Variants in CSNK1E observed in about 807,000 individuals in gnomAD.
The protein encoded by CSNK1E is casein kinase 1 epsilon.
CSNK1E carries 17 observed loss-of-function variants against 46.1 expected under a neutral mutation model. The observed-to-expected ratio is 0.37, with a 90% CI of 0.25 to 0.55. The LOEUF is 0.55. CSNK1E is among the 20% of genes least tolerant of loss of function. The pLI is 0.82. For missense variants in CSNK1E, 386 were observed against 595.4 expected (o/e 0.65, Z 3.66); for synonymous variants, 241 against 242.6 (o/e 0.99, Z 0.06).
chr22:38,294,098 G>A lies in CSNK1E; in HGVS notation c.1218+11C>T. 6.2e-7 allele frequency: 1 copy of A among 1,607,424 alleles called. No individual in the cohort carries two copies. The highest frequency in any genetic ancestry group is 8.5e-7 in the Non-Finnish European group (1 of 1,179,134). On this transcript the variant is annotated intron_variant, in intron 9 of 10. Coordinates refer to ENST00000396832, the MANE Select transcript of CSNK1E (RefSeq NM_152221.3). This position sits in a 1 kb window ranked among gnomAD's most constrained non-coding sequence, Gnocchi z 5.5. Reference sequence around the variant, plus strand: ...CTGAGGCCCAGAGGGACTGGCAGGGGGGCAGCTCACCTGTGAGGCTGGGAT... The same window carrying A: ...CTGAGGCCCAGAGGGACTGGCAGGGAGGCAGCTCACCTGTGAGGCTGGGAT...
rs1354510354 is a variant in CSNK1E, at chr22:38,298,457, G to A, written c.885+329C>T. The A allele has an allele frequency of 2.6e-6, 1 of 384,162 alleles. No homozygotes were observed. The highest frequency in any genetic ancestry group is 5.0e-6 in the Non-Finnish European group (1 of 200,380). 23.8% of individuals were successfully genotyped at this position (384,162 alleles called of 1,614,324 possible). On this transcript the variant is annotated intron_variant, in intron 7 of 10. Coordinates refer to ENST00000396832, the MANE Select transcript of CSNK1E (RefSeq NM_152221.3). The surrounding 1 kb of genome is among the most constrained non-coding windows in gnomAD (Gnocchi z 4.2). ...TGTGCAGAACAGGAGCAGCAGGACG[G>A]TGTAGGCAGCAATCAGGGCAGCAGG...
intron 7 of CSNK1E, among the ~76,000 whole-genome samples, chr22:38,295,023 G>A (rs1232647550): frequency 6.6e-6 from 1 of 152,188 alleles, no homozygotes; most frequent in African/African-American, 2.4e-5. Flanking sequence ...GTGGAAGGCT[G>A]GGCTAGGACT....
At chr22:38,302,623 A>C (rs1161639078) in intron 4 of CSNK1E, among the ~76,000 whole-genome samples, 1 of 152,228 alleles carries the variant, frequency 6.6e-6, no homozygotes, top group Non-Finnish European at 1.5e-5. Context: ...AGGCAGGAGA[A>C]TCGCGTGAAC....
At chr22:38,297,887 G>A (rs2092649185) in intron 7 of CSNK1E, 1 of 1,053,960 alleles carries the variant, frequency 9.5e-7, no homozygotes, top group Non-Finnish European at 1.2e-6. Context: ...GGCGACATCA[G>A]AAATGGGGCC....
At chr22:38,295,481 GC>G in intron 7 of CSNK1E, 1 of 696,028 alleles carries the variant, frequency 1.4e-6, no homozygotes, top group Non-Finnish European at 1.8e-6. Flanking sequence ...TGAGTTGGGG[GC>G]CTGCTCATGG....
upstream of CSNK1E, chr22:38,317,868 C>T (rs1281479647): frequency 6.6e-6 from 1 of 152,230 alleles, no homozygotes; most frequent in African/African-American, 2.4e-5. Flanking sequence ...GAGGCTCAGT[C>T]CGCCTCCAGG....
chr22:38,298,850 C>G lies in CSNK1E; in HGVS notation c.821G>C (p.Arg274Pro), dbSNP rs771808437. 6.2e-7 allele frequency: 1 copy of G among 1,614,130 alleles called. No homozygotes were observed. The highest frequency in any genetic ancestry group is 8.5e-7 in the Non-Finnish European group (1 of 1,180,006). Reference protein sequence around the residue: ...PDYSYLRQLFRNLFHRQGFSY... With the variant: ...PDYSYLRQLFPNLFHRQGFSY... Reference sequence around the variant, plus strand: ...GAAGCCCTGCCGGTGGAAGAGGTTGCGGAAGAGCTGACGTAGGTAAGAGTA... The same window carrying G: ...GAAGCCCTGCCGGTGGAAGAGGTTGGGGAAGAGCTGACGTAGGTAAGAGTA... The change falls in exon 7 of 11, where the codon CGC (arginine) becomes CCC (proline). Residue 274 changes from arginine to proline, a missense_variant. Physicochemically the swap from Arg to Pro is moderately radical, Grantham distance 103. Around this residue, in one of 2 missense-constraint regions of CSNK1E, gnomAD observed 212 missense variants for 410.2 expected, o/e 0.52. Coordinates refer to ENST00000396832, the MANE Select transcript of CSNK1E (RefSeq NM_152221.3). The surrounding 1 kb of genome is among the most constrained non-coding windows in gnomAD (Gnocchi z 4.2).
chr22:38,308,547 A>T (rs966219901), intron 2 of CSNK1E, among the ~76,000 whole-genome samples: 1 of 152,116 alleles, frequency 6.6e-6, no homozygotes, highest in Non-Finnish European at 1.5e-5. Flanking sequence ...CAGGTACCTC[A>T]TGTGTAAACC....
chr22:38,309,332 G>A lies in CSNK1E; in HGVS notation c.76+4750C>T, dbSNP rs1443550843. On this transcript the variant is annotated intron_variant, in intron 2 of 10. Transcript: ENST00000396832. The surrounding 1 kb of genome is among the most constrained non-coding windows in gnomAD (Gnocchi z 4.8). ...AACTGATTGACACTTTGGAGGCAGG[G>A]CCTGCAGCACTTGGTGATTCGGCAG... Among the ~76,000 whole-genome samples, 1 of 152,242 alleles carries A rather than the reference G, an allele frequency of 6.6e-6. No homozygotes were observed. Among genetic ancestry groups the A allele is most frequent in the Non-Finnish European group, 1.5e-5 (1 of 68,046 alleles).
chr22:38,300,053 C>T lies in CSNK1E; in HGVS notation c.578G>A (p.Arg193Gln), dbSNP rs752339218. ...NTHLGIEQSR[R>Q]DDLESLGYVL... ...GTAGCCCAGGCTCTCCAGGTCATCT[C>T]GACGGCTTTGCTCTGCACAGAGAGT... is the stretch of plus-strand genomic sequence containing the variant. The change falls in exon 6 of 11, where the codon CGA (arginine) becomes CAA (glutamine). Residue 193 changes from arginine (R) to glutamine (Q), a missense_variant. Transcript: ENST00000396832. This position sits in a 1 kb window ranked among gnomAD's most constrained non-coding sequence, Gnocchi z 4.4. 3.1e-6 allele frequency: 5 copies of T among 1,613,938 alleles called. No homozygotes were observed. The highest frequency in any genetic ancestry group is 3.4e-6 in the Non-Finnish European group (4 of 1,179,990).
chr22:38,296,477 G>A (rs1304756079), intron 7 of CSNK1E: 2 of 1,556,114 alleles, frequency 1.3e-6, no homozygotes, highest in East Asian at 4.5e-5. Context: ...TCAGGGTGAA[G>A]GTTCCCATTG....
intron 2 of CSNK1E, among the ~76,000 whole-genome samples, chr22:38,307,857 G>A (rs1423087991): frequency 2.6e-5 from 4 of 152,128 alleles, no homozygotes; most frequent in Non-Finnish European, 1.5e-5. Context: ...CACCACACCT[G>A]GCTAATTTTT....
Position 38,298,232 on chromosome 22 carries a change from A to C in CSNK1E, c.885+554T>G. The stretch of plus-strand genomic sequence containing the variant: ...TTCCAGAAGAGATGTGAAACAAGAC[A>C]TACAATTTCACAGATTCCAGAGCTC... On this transcript the variant is annotated intron_variant, in intron 7 of 10. Coordinates refer to ENST00000396832, the MANE Select transcript of CSNK1E (RefSeq NM_152221.3). This position sits in a 1 kb window ranked among gnomAD's most constrained non-coding sequence, Gnocchi z 4.2. 1 of 1,296,922 alleles carries C rather than the reference A, an allele frequency of 7.7e-7. No homozygotes were observed. The highest frequency in any genetic ancestry group is 1.0e-6 in the Non-Finnish European group (1 of 983,682). 80.3% of individuals were successfully genotyped at this position (1,296,922 alleles called of 1,614,324 possible). A position where few individuals can be genotyped will look rare whatever the true frequency, so the allele number is the denominator to read the frequency against.
intron 4 of CSNK1E, among the ~76,000 whole-genome samples, chr22:38,301,676 C>T (rs533401557): frequency 6.6e-6 from 1 of 152,016 alleles, no homozygotes; most frequent in Non-Finnish European, 1.5e-5. Flanking sequence ...TCAGGAGATC[C>T]GCCTGCCTCG....
intron 1 of CSNK1E, among the ~76,000 whole-genome samples, chr22:38,315,818 G>C (rs1303583128): frequency 6.6e-6 from 1 of 152,118 alleles, no homozygotes; most frequent in African/African-American, 2.4e-5. Context: ...CTCTGTCTGG[G>C]TGTCTTACAT....
Position 38,302,991 on chromosome 22 carries a change from T to C in CSNK1E, c.206A>G (p.Lys69Arg), listed in dbSNP as rs767381747. Residue 69 changes from lysine (K) to arginine (R), a missense_variant, in exon 4 of 11, where the codon AAG (lysine) becomes AGG (arginine). Physicochemically the swap from Lys to Arg is conservative, Grantham distance 26. Around this residue, in one of 2 missense-constraint regions of CSNK1E, gnomAD observed 212 missense variants for 410.2 expected, o/e 0.52. Coordinates refer to ENST00000396832, the MANE Select transcript of CSNK1E (RefSeq NM_152221.3). ...MQGGVGIPSI[K>R]WCGAEGDYNV... ...GTAGTCGCCCTCAGCTCCGCACCAC[T>C]TGATGGACGGGATCCCCACTGGGGG... The C allele has an allele frequency of 1.9e-6, 3 of 1,613,908 alleles. No individual in the cohort carries two copies. The highest frequency in any genetic ancestry group is 2.2e-5 in the East Asian group (1 of 44,870).
At chr22:38,296,821 C>T (rs1427737635) in intron 7 of CSNK1E, 2 of 1,109,936 alleles carry the variant, frequency 1.8e-6, no homozygotes, top group East Asian at 2.4e-5. Flanking sequence ...GTGGTGGCCA[C>T]TGGAGGGCAG....
intron 7 of CSNK1E, chr22:38,295,336 G>A (rs988490949): frequency 5.2e-6 from 4 of 771,756 alleles, no homozygotes; most frequent in Non-Finnish European, 4.7e-6. Context: ...AGGAGGAAGT[G>A]AGAAGGGGCC....
rs1334818862 is a variant in CSNK1E, at chr22:38,294,634, A to G, written c.886-100T>C. 4 of 1,163,560 alleles carry G rather than the reference A, an allele frequency of 3.4e-6. No individual in the cohort carries two copies. The highest frequency in any genetic ancestry group is 3.2e-5 in the African/African-American group (2 of 63,328). The allele number at this position is 1,163,560 out of a possible 1,614,324, so 72.1% of individuals were successfully genotyped here. On this transcript the variant is annotated intron_variant, in intron 7 of 10. Coordinates refer to ENST00000396832, the MANE Select transcript of CSNK1E (RefSeq NM_152221.3). The surrounding 1 kb of genome is among the most constrained non-coding windows in gnomAD (Gnocchi z 5.5). Reference sequence around the variant, plus strand: ...ACAGAAGGGGAGGGAGGCCAGGTGGATATCTCAGAAACCTTCTGCTCCAGC... The same window carrying G: ...ACAGAAGGGGAGGGAGGCCAGGTGGGTATCTCAGAAACCTTCTGCTCCAGC...
Sources: allele counts gnomAD v4.1 joint callset (sites outside exome capture counted in the v4.1 genomes callset), GRCh38; gene constraint gnomAD v4.1.1; regional missense constraint gnomAD v4.1.1; non-coding constraint Gnocchi (gnomAD v3.1); transcripts MANE v1.5; gene names NCBI Gene and HGNC (gene_info 2026-07-23, HGNC 2026-07-21).